Variants in AUTS2 observed in about 807,000 individuals in gnomAD.
AUTS2 encodes autism susceptibility gene 2 protein.
A neutral mutation model predicts 112.4 loss-of-function variants in AUTS2; 17 were observed. The observed-to-expected ratio is 0.15, with a 90% CI of 0.10 to 0.23. The LOEUF is 0.23. AUTS2 is among the 10% of genes least tolerant of loss of function. The pLI, the probability that AUTS2 is intolerant of heterozygous loss-of-function variation, is 1.00. For synonymous variants in AUTS2, 751 were observed against 702.7 expected, an observed-to-expected ratio of 1.07 and a Z score of -1.09; for missense variants, 1,510 against 1,701.6, an observed-to-expected ratio of 0.89 and a Z score of 1.98.
Position 70,762,895 on chromosome 7 carries a change from A to G in AUTS2, c.768A>G (p.Leu256=). The G allele has an allele frequency of 1.9e-6, 3 of 1,613,702 alleles. No individual in the cohort carries two copies. Among genetic ancestry groups the G allele is most frequent in the South Asian group, 1.1e-5 (1 of 91,052 alleles). Residue 256 remains leucine (L), a synonymous_variant, in exon 7 of 19, where the codon CTA becomes CTG. Transcript: ENST00000342771. ...NKDPELGVGT[L]PEHDSQDAGP... is the part of the protein sequence containing the mutation. ...ATCCGGAGTTAGGTGTTGGCACGCTACCAGAACATGACAGCCAGGATGCAG... is the reference window on the plus strand; with the variant it reads ...ATCCGGAGTTAGGTGTTGGCACGCTGCCAGAACATGACAGCCAGGATGCAG...
chr7:69,797,445 TC>T (rs538573675), intron 1 of AUTS2, among the ~76,000 whole-genome samples: 11 of 152,190 alleles, frequency 7.2e-5, no homozygotes, highest in Non-Finnish European at 1.6e-4. Context: ...AGGCAGTGGT[TC>T]CCCTTCACAG....
intron 2 of AUTS2, among the ~76,000 whole-genome samples, chr7:70,030,177 A>G (rs1800710109): frequency 6.6e-6 from 1 of 152,202 alleles, no homozygotes; most frequent in African/African-American, 2.4e-5. Flanking sequence ...TGTTGTGGAT[A>G]AGGCCTCCCT....
rs536453081 is a variant in AUTS2 at position 70,765,975 on chromosome 7, C to T, written c.1469-139C>T. ...TGGTCTCGTCTGCTTCATTGATTGC[C>T]CCCGTTTATCTCAGGGCCCAGCCAC... On this transcript the variant is annotated intron_variant, in intron 8 of 18. Transcript: ENST00000342771. 1.6e-5 allele frequency: 23 copies of T among 1,417,970 alleles called. No homozygotes were observed. The African/African-American group carries it at 2.3e-4, about 14-fold the overall frequency. 87.8% of individuals were successfully genotyped at this position (1,417,970 alleles called of 1,614,324 possible).
rs183033716 is a variant in AUTS2 at position 69,758,754 on chromosome 7, C to T, written c.310-140532C>T. 3.3e-5 allele frequency among the ~76,000 whole-genome samples: 5 copies of T among 152,216 alleles called. No homozygotes were observed. In the East Asian group the frequency reaches 9.7e-4, roughly 29 times the overall value. On this transcript the variant is annotated intron_variant, in intron 1 of 18. Coordinates refer to ENST00000342771, the MANE Select transcript of AUTS2 (RefSeq NM_015570.4). ...GTGGAGGTGTGTTTTTTTCTTCCCC[C>T]TTAAACCCTCTTCTGAGCAATCTTT...
chr7:69,965,030 C>T (rs78498461), intron 2 of AUTS2, among the ~76,000 whole-genome samples: 5,865 of 152,176 alleles, frequency 0.039, 138 homozygotes, highest in Non-Finnish European at 0.052. Flanking sequence ...TGTCACTCAT[C>T]TGCCCTCATG....
At chr7:69,916,434 A>G (rs1268824788) in intron 2 of AUTS2, among the ~76,000 whole-genome samples, 1 of 152,244 alleles carries the variant, frequency 6.6e-6, no homozygotes, top group Non-Finnish European at 1.5e-5. Context: ...TCTTAGTAGT[A>G]TACAGCTTCC....
chr7:70,469,753 G>A (rs1459012150), intron 5 of AUTS2, among the ~76,000 whole-genome samples: 3 of 152,196 alleles, frequency 2.0e-5, no homozygotes, highest in Admixed American at 1.3e-4. Flanking sequence ...CGATTCTCCT[G>A]CCTCAGCCTC....
At chr7:69,805,536 C>G (rs973320500) in intron 1 of AUTS2, among the ~76,000 whole-genome samples, 1 of 151,766 alleles carries the variant, frequency 6.6e-6, no homozygotes, top group African/African-American at 2.4e-5. Context: ...TAAAAAAGAA[C>G]CAAATTGTGC....
chr7:70,063,478 A>T (rs765671057), intron 2 of AUTS2, among the ~76,000 whole-genome samples: 1 of 152,164 alleles, frequency 6.6e-6, no homozygotes, highest in African/African-American at 2.4e-5. Flanking sequence ...TTGTGTGATC[A>T]TGGGCGAGTT....
intron 5 of AUTS2, among the ~76,000 whole-genome samples, chr7:70,648,802 TCTC>T (rs1443845425): frequency 6.6e-6 from 1 of 152,100 alleles, no homozygotes; most frequent in Non-Finnish European, 1.5e-5. Context: ...GCCAAGCTGG[TCTC>T]GAACTCCTTA....
chr7:70,314,614 A>T (rs760137312), intron 4 of AUTS2, among the ~76,000 whole-genome samples: 1 of 152,092 alleles, frequency 6.6e-6, no homozygotes, highest in Non-Finnish European at 1.5e-5. Context: ...TTTTCCTCTC[A>T]TCTTAAACCC....
At chr7:70,157,980 T>C (rs1807873901) in intron 4 of AUTS2, among the ~76,000 whole-genome samples, 1 of 152,186 alleles carries the variant, frequency 6.6e-6, no homozygotes, top group Non-Finnish European at 1.5e-5. Flanking sequence ...TGGGAATGCC[T>C]GATCTGGTTC....
At chr7:69,867,579 C>T (rs1793291804) in intron 1 of AUTS2, among the ~76,000 whole-genome samples, 1 of 152,138 alleles carries the variant, frequency 6.6e-6, no homozygotes, top group South Asian at 2.1e-4. Flanking sequence ...ACAGCATTTC[C>T]TTTTTGGCCT....
intron 4 of AUTS2, among the ~76,000 whole-genome samples, chr7:70,235,897 G>A (rs1261839089): frequency 6.6e-6 from 1 of 151,986 alleles, no homozygotes; most frequent in African/African-American, 2.4e-5. Context: ...TGACCTCGTG[G>A]TCCGCCCACC....
intron 2 of AUTS2, among the ~76,000 whole-genome samples, chr7:69,941,981 TGAAA>T (rs1476778400): frequency 6.6e-6 from 1 of 152,188 alleles, no homozygotes; most frequent in African/African-American, 2.4e-5. Flanking sequence ...GGGAAAGACC[TGAAA>T]GAGACAGGAA....
At chr7:69,888,126 A>G (rs955753958) in intron 1 of AUTS2, among the ~76,000 whole-genome samples, 1 of 152,138 alleles carries the variant, frequency 6.6e-6, no homozygotes, top group Admixed American at 6.5e-5. Context: ...CCTGAGAAAC[A>G]TAGCAAGACC....
intron 6 of AUTS2, among the ~76,000 whole-genome samples, chr7:70,719,127 A>G (rs1284530070): frequency 1.3e-5 from 2 of 152,174 alleles, no homozygotes; most frequent in African/African-American, 4.8e-5. Flanking sequence ...TGGTATTAAC[A>G]CTGTTTTGAC....
intron 1 of AUTS2, among the ~76,000 whole-genome samples, chr7:69,697,550 G>A (rs1258543056): frequency 6.6e-6 from 1 of 152,196 alleles, no homozygotes; most frequent in Non-Finnish European, 1.5e-5. Context: ...TTCTCAGACT[G>A]TCTTAGCTTT....
intron 4 of AUTS2, among the ~76,000 whole-genome samples, chr7:70,335,762 G>A (rs73173531): frequency 0.086 from 13,067 of 152,238 alleles, 764 homozygotes; most frequent in African/African-American, 0.16. Flanking sequence ...TTTTCCAACA[G>A]CAGGTATGGC....
Sources: gnomAD v4.1 joint callset for allele counts (sites outside exome capture counted in the v4.1 genomes callset) on GRCh38, gnomAD v4.1.1 for gene constraint, MANE v1.5 for transcripts, NCBI Gene and HGNC (gene_info 2026-07-23, HGNC 2026-07-21) for gene names.